The following BRCA2 variants were observed in gnomAD, a reference collection of about 807,000 sequenced individuals.
The protein encoded by BRCA2 is BRCA2 DNA repair associated.
BRCA2 carries 203 observed loss-of-function variants against 276.7 expected under a neutral mutation model. That is an observed-to-expected ratio of 0.73 (90% CI 0.65 to 0.82). BRCA2 has a LOEUF of 0.82. BRCA2 is among the 40% of genes least tolerant of loss of function. BRCA2 has a pLI of 0.00. For synonymous variants in BRCA2, 1,289 were observed against 1,338.4 expected (o/e 0.96, Z 0.81); for missense variants, 3,920 against 3,915.0 (o/e 1.00, Z -0.03).
At chr13:32,375,220 CAG>C (rs2072862956) in intron 20 of BRCA2, 2 of 306,206 alleles carry the variant, frequency 6.5e-6, no homozygotes, top group South Asian at 2.8e-5. Flanking sequence ...GGTGAGGACA[CAG>C]AGCCAAATCG....
intron 24 of BRCA2, among the ~76,000 whole-genome samples, chr13:32,392,825 T>C (rs1416120925): frequency 6.6e-6 from 1 of 152,170 alleles, no homozygotes; most frequent in African/African-American, 2.4e-5. Context: ...CTGTTTCCCC[T>C]TTTTTGTTCT....
At chr13:32,316,372 A>C in intron 1 of BRCA2, 50 bp from the exon 2 acceptor site, 3 of 1,166,330 alleles carry the variant, frequency 2.6e-6, no homozygotes, top group Non-Finnish European at 3.8e-6. Context: ...TCAGTCACAT[A>C]ATAAGGAATG....
intron 13 of BRCA2, among the ~76,000 whole-genome samples, chr13:32,354,253 G>A (rs904125175): frequency 1.3e-5 from 2 of 152,168 alleles, no homozygotes; most frequent in African/African-American, 2.4e-5. Context: ...TGGGAGAAAT[G>A]AGAGTTTATT....
rs11571681 is a variant in BRCA2, at chr13:32,347,169, G to A, written c.7007+273G>A. Among the ~76,000 whole-genome samples, 6,242 of 152,036 alleles carry A rather than the reference G, an allele frequency of 0.041. 220 individuals are homozygous for A. Among genetic ancestry groups the A allele is most frequent in the South Asian group, 0.11 (552 of 4,814 alleles). On this transcript the variant is annotated intron_variant, in intron 13 of 26. Coordinates refer to ENST00000380152, the MANE Select transcript of BRCA2 (RefSeq NM_000059.4). ...TGAGAGGAATTAAGGAAATTGCTCC[G>A]AATCAGTTAACAAAAAGATTGCAGA... is the stretch of plus-strand genomic sequence containing the variant.
At chr13:32,380,602 G>A (rs1427467406) in intron 24 of BRCA2, among the ~76,000 whole-genome samples, 10 of 141,532 alleles carry the variant, frequency 7.1e-5, no homozygotes, top group East Asian at 2.1e-4. Flanking sequence ...GTGCAGTGGC[G>A]CTATCTCAGC....
chr13:32,341,907 CTGG>C (rs2072574089), intron 11 of BRCA2, among the ~76,000 whole-genome samples: 1 of 151,034 alleles, frequency 6.6e-6, no homozygotes, highest in Admixed American at 6.6e-5. Context: ...ATACCATTTA[CTGG>C]GTAATATATA....
At chr13:32,342,372 A>G (rs2072578043) in intron 11 of BRCA2, among the ~76,000 whole-genome samples, 1 of 151,754 alleles carries the variant, frequency 6.6e-6, no homozygotes, top group Non-Finnish European at 1.5e-5. Context: ...CCTTTTTTTC[A>G]TTTAGGAAGT....
At chr13:32,374,571 A>G (rs944480026) in intron 20 of BRCA2, among the ~76,000 whole-genome samples, 24 of 152,236 alleles carry the variant, frequency 1.6e-4, no homozygotes, top group African/African-American at 5.8e-4. Flanking sequence ...TCTCTAGCGC[A>G]GGGGCAAAAT....
chr13:32,338,633 A>G lies in BRCA2; in HGVS notation c.4278A>G (p.Thr1426=), dbSNP rs1555283682. 6.3e-7 allele frequency: 1 copy of G among 1,598,754 alleles called. No homozygotes were observed. Among genetic ancestry groups the G allele is most frequent in the Non-Finnish European group, 8.5e-7 (1 of 1,170,438 alleles). ...QNIKDFETSD[T]FFQTASGKNI... ...TAAAAGATTTTGAGACTTCTGATACATTTTTTCAGACTGCAAGTGGGAAAA... is the reference window on the plus strand; with the variant it reads ...TAAAAGATTTTGAGACTTCTGATACGTTTTTTCAGACTGCAAGTGGGAAAA... The change falls in exon 11 of 27, where the codon ACA becomes ACG. Residue 1426 remains threonine (T), a synonymous_variant. Transcript: ENST00000380152.
rs1060502401 is a variant in BRCA2 at position 32,356,530 on chromosome 13, C to A, written c.7538C>A (p.Ala2513Glu). The A allele has an allele frequency of 6.2e-7, 1 of 1,614,214 alleles. No individual in the cohort carries two copies. Residue 2513 changes from alanine (A) to glutamate (E), a missense_variant, in exon 15 of 27, where the codon GCA becomes GAA. Around this residue, in one of 2 missense-constraint regions of BRCA2, gnomAD observed 3,263 missense variants for 3,156.9 expected, o/e 1.03. Coordinates refer to ENST00000380152, the MANE Select transcript of BRCA2 (RefSeq NM_000059.4). ...CCACAGCCAGGCAGTCTGTATCTTG[C>A]AAAAACATCCACTCTGCCTCGAATC... ...VFPQPGSLYL[A>E]KTSTLPRISL...
chr13:32,377,519 G>A (rs982885297), intron 21 of BRCA2, among the ~76,000 whole-genome samples: 28 of 150,358 alleles, frequency 1.9e-4, no homozygotes, highest in African/African-American at 5.9e-4. Context: ...GAATCCAGGA[G>A]GCAGAGGTTG....
In BRCA2 at chr13:32,399,609, T is replaced by C. The variant is rs76358429; in HGVS notation, c.*839T>C. On this transcript the variant is annotated 3_prime_UTR_variant, in exon 27 of 27. Coordinates refer to ENST00000380152, the MANE Select transcript of BRCA2 (RefSeq NM_000059.4). ...TTTCATAGTTAATTTATTTTTTTTTTCAACAAAATGGTCATCCAAACTCAA... is the reference window on the plus strand; with the variant it reads ...TTTCATAGTTAATTTATTTTTTTTTCCAACAAAATGGTCATCCAAACTCAA... 3.5e-3 allele frequency: 620 copies of C among 177,026 alleles called. 3 individuals are homozygous for C. The highest frequency in any genetic ancestry group is 5.4e-3 in the Non-Finnish European group (451 of 82,796). 11.0% of individuals were successfully genotyped at this position (177,026 alleles called of 1,614,324 possible).
At position 32,336,492 on chromosome 13, in the gene BRCA2, C is replaced by T. The variant is rs886040407; in HGVS notation, c.2137C>T (p.Gln713Ter). 2 of 1,614,032 alleles carry T rather than the reference C, an allele frequency of 1.2e-6. No homozygotes were observed. Among genetic ancestry groups the T allele is most frequent in the Non-Finnish European group, 1.7e-6 (2 of 1,180,002 alleles). Residue 713 changes from glutamine to a stop codon, truncating the protein, a stop_gained, in exon 11 of 27, where the codon CAG becomes TAG. Coordinates refer to ENST00000380152, the MANE Select transcript of BRCA2 (RefSeq NM_000059.4). LOFTEE classifies it high-confidence loss of function. Reference sequence around the variant, plus strand: ...AGAAGCTGATTCTCTGTCATGCCTGCAGGAAGGACAGTGTGAAAATGATCC... The same window carrying T: ...AGAAGCTGATTCTCTGTCATGCCTGTAGGAAGGACAGTGTGAAAATGATCC... Reference protein sequence around the residue: ...TPEADSLSCLQEGQCENDPKS... With the variant: ...TPEADSLSCL
chr13:32,328,310 C>T lies in BRCA2; in HGVS notation c.632-1133C>T, dbSNP rs183901354. 6.1e-3 allele frequency among the ~76,000 whole-genome samples: 918 copies of T among 151,168 alleles called. 24 individuals are homozygous for T. The highest frequency in any genetic ancestry group is 3.2e-3 in the Non-Finnish European group (216 of 67,868). On this transcript the variant is annotated intron_variant, in intron 7 of 26. Coordinates refer to ENST00000380152, the MANE Select transcript of BRCA2 (RefSeq NM_000059.4). ...AGGCTGGAGTACAGTGGCACCATCTCGGCTCACAGCAACCTCTGCCTTCTG... is the reference window on the plus strand; with the variant it reads ...AGGCTGGAGTACAGTGGCACCATCTTGGCTCACAGCAACCTCTGCCTTCTG...
At chr13:32,359,953 T>C (rs1226938432) in intron 16 of BRCA2, among the ~76,000 whole-genome samples, 3 of 152,132 alleles carry the variant, frequency 2.0e-5, no homozygotes, top group Non-Finnish European at 4.4e-5. Flanking sequence ...GTGGAAGGCA[T>C]AGAAAATATT....
chr13:32,327,396 G>A (rs1239484729), intron 7 of BRCA2, among the ~76,000 whole-genome samples: 1 of 152,162 alleles, frequency 6.6e-6, no homozygotes, highest in Non-Finnish European at 1.5e-5. Flanking sequence ...GCAGTGAGCC[G>A]AGATTGTGCC....
chr13:32,319,738 A>T (rs1423929760), intron 3 of BRCA2, among the ~76,000 whole-genome samples: 1 of 152,220 alleles, frequency 6.6e-6, no homozygotes, highest in Non-Finnish European at 1.5e-5. Context: ...TAGGTGCCGC[A>T]TGTTTCTAAG....
chr13:32,317,070 G>A (rs1394557011), intron 2 of BRCA2, among the ~76,000 whole-genome samples: 1 of 152,024 alleles, frequency 6.6e-6, no homozygotes, highest in African/African-American at 2.4e-5. Context: ...GTGGTGGTGC[G>A]TGCCTGTAAT....
chr13:32,360,756 T>C (rs1276606695), intron 16 of BRCA2, among the ~76,000 whole-genome samples: 1 of 152,030 alleles, frequency 6.6e-6, no homozygotes, highest in East Asian at 1.9e-4. Context: ...CAGAAATACA[T>C]GTGAGAGGTG....
Sources: allele counts gnomAD v4.1 joint callset (sites outside exome capture counted in the v4.1 genomes callset), GRCh38; gene constraint gnomAD v4.1.1; regional missense constraint gnomAD v4.1.1; transcripts MANE v1.5; gene names NCBI Gene and HGNC (gene_info 2026-07-23, HGNC 2026-07-21).